Variants in GLIS3 observed in about 807,000 individuals in gnomAD.
GLIS3 encodes the protein GLIS family zinc finger 3.
Under a neutral mutation model 78.6 loss-of-function variants are expected in GLIS3, and 53 were observed. That is an observed-to-expected ratio of 0.67 (90% CI 0.54 to 0.85). The LOEUF is 0.85. Among genes scored for constraint, GLIS3 ranks in the 40% least tolerant of loss-of-function variants. GLIS3 has a pLI of 0.00. For synonymous variants in GLIS3, 684 were observed against 509.9 expected, an observed-to-expected ratio of 1.34 and a Z score of -4.60; for missense variants, 1,703 against 1,231.1, an observed-to-expected ratio of 1.38 and a Z score of -5.74.
intron 2 of GLIS3, among the ~76,000 whole-genome samples, chr9:4,141,307 G>A (rs535651829): frequency 3.3e-5 from 5 of 152,264 alleles, no homozygotes; most frequent in Admixed American, 3.3e-4. Flanking sequence ...GGAAGGCAGT[G>A]GGGGTAAAAG....
At chr9:4,224,688 A>T (rs759513738) in intron 2 of GLIS3, among the ~76,000 whole-genome samples, 5 of 147,096 alleles carry the variant, frequency 3.4e-5, no homozygotes, top group Non-Finnish European at 7.5e-5. Flanking sequence ...CCCTTCTCCT[A>T]TTCCCCCACT....
chr9:3,926,615 C>A (rs964351898), intron 6 of GLIS3, among the ~76,000 whole-genome samples: 3 of 151,158 alleles, frequency 2.0e-5, no homozygotes, highest in Non-Finnish European at 4.4e-5. Flanking sequence ...CTCCTTCCTT[C>A]CTTCCTTCTT....
intron 2 of GLIS3, among the ~76,000 whole-genome samples, chr9:4,217,289 G>GA (rs1221867001): frequency 3.9e-5 from 6 of 152,248 alleles, no homozygotes; most frequent in African/African-American, 1.4e-4. Context: ...CTCCATATCT[G>GA]GTTGTAAACC....
At chr9:4,068,489 GT>G (rs1447554749) in intron 4 of GLIS3, among the ~76,000 whole-genome samples, 1 of 152,146 alleles carries the variant, frequency 6.6e-6, no homozygotes, top group Middle Eastern at 3.2e-3. Context: ...GGCTAATGAT[GT>G]TTTTTAAAAT....
chr9:4,236,136 G>A (rs2131380277), intron 2 of GLIS3, among the ~76,000 whole-genome samples: 1 of 133,108 alleles, frequency 7.5e-6, no homozygotes, highest in South Asian at 2.5e-4. Context: ...CTTAATAGCT[G>A]GAGTAGTGCT....
chr9:4,225,192 T>C (rs1330528256), intron 2 of GLIS3, among the ~76,000 whole-genome samples: 1 of 152,124 alleles, frequency 6.6e-6, no homozygotes, highest in Non-Finnish European at 1.5e-5. Flanking sequence ...ACCAGTTTTT[T>C]TCTTCTAAGT....
chr9:4,254,942 T>C (rs1824774619), intron 2 of GLIS3, among the ~76,000 whole-genome samples: 1 of 151,988 alleles, frequency 6.6e-6, no homozygotes, highest in Non-Finnish European at 1.5e-5. Flanking sequence ...TTGCAAAACA[T>C]TTATCTGTTA....
the GLIS3 span, among the ~76,000 whole-genome samples, chr9:4,451,573 C>A: frequency 6.6e-6 from 1 of 152,032 alleles, no homozygotes; most frequent in Non-Finnish European, 1.5e-5. Flanking sequence ...ATCGCACTTA[C>A]CCCAAAATTG....
At chr9:3,989,990 T>A (rs1040552979) in intron 4 of GLIS3, among the ~76,000 whole-genome samples, 1 of 152,302 alleles carries the variant, frequency 6.6e-6, no homozygotes, top group South Asian at 2.1e-4. Context: ...TGGGGGAAAC[T>A]AGATAAAGTG....
At chr9:3,907,263 C>G (rs117204284) in intron 6 of GLIS3, among the ~76,000 whole-genome samples, 3,162 of 152,264 alleles carry the variant, frequency 0.021, 51 homozygotes, top group Middle Eastern at 0.051. Flanking sequence ...AACTCCACAG[C>G]AGCCAGCAGT....
the GLIS3 span, among the ~76,000 whole-genome samples, chr9:4,415,016 A>G: frequency 2.0e-5 from 3 of 151,988 alleles, no homozygotes; most frequent in African/African-American, 7.3e-5. Flanking sequence ...TTTTTTTCCT[A>G]TTCCAATAGT....
chr9:3,985,240 T>C (rs1223856295), intron 4 of GLIS3, among the ~76,000 whole-genome samples: 1 of 152,126 alleles, frequency 6.6e-6, no homozygotes, highest in Non-Finnish European at 1.5e-5. Context: ...TCTCCAAGTC[T>C]CAAGCAATCC....
chr9:4,106,118 C>T (rs1490997517), intron 4 of GLIS3, among the ~76,000 whole-genome samples: 1 of 152,190 alleles, frequency 6.6e-6, no homozygotes, highest in South Asian at 2.1e-4. Flanking sequence ...CTTCCACCAA[C>T]ACCTTAGACA....
intron 2 of GLIS3, among the ~76,000 whole-genome samples, chr9:4,165,132 A>G (rs1835779860): frequency 6.6e-6 from 1 of 152,146 alleles, no homozygotes. Context: ...GAAACATGGC[A>G]AATAGACCAT....
the GLIS3 span, among the ~76,000 whole-genome samples, chr9:4,481,435 G>A: frequency 6.9e-4 from 105 of 151,794 alleles, no homozygotes; most frequent in African/African-American, 2.2e-3. Context: ...AGTGAGCCTC[G>A]CACCATTACA....
At chr9:4,150,549 G>A (rs1338940549) in intron 2 of GLIS3, among the ~76,000 whole-genome samples, 2 of 152,088 alleles carry the variant, frequency 1.3e-5, no homozygotes, top group South Asian at 2.1e-4. Context: ...AGAAAATATC[G>A]ATTCCTCTTC....
At chr9:3,877,121 A>G (rs1392665395) in intron 8 of GLIS3, among the ~76,000 whole-genome samples, 1 of 152,200 alleles carries the variant, frequency 6.6e-6, no homozygotes, top group African/African-American at 2.4e-5. Context: ...GTTCCGATTG[A>G]TCATTCCTGA....
At chr9:4,442,244 G>T in the GLIS3 span, among the ~76,000 whole-genome samples, 2 of 152,198 alleles carry the variant, frequency 1.3e-5, no homozygotes, top group South Asian at 2.1e-4. Flanking sequence ...GTGTATAATT[G>T]TTCATAATTG....
chr9:4,032,567 A>T (rs982121848), intron 4 of GLIS3, among the ~76,000 whole-genome samples: 1 of 152,242 alleles, frequency 6.6e-6, no homozygotes, highest in African/African-American at 2.4e-5. Context: ...AGAGCTATAT[A>T]TCATGTAGCA....
Sources: gnomAD v4.1 joint callset for allele counts (sites outside exome capture counted in the v4.1 genomes callset) on GRCh38, gnomAD v4.1.1 for gene constraint, MANE v1.5 for transcripts, NCBI Gene and HGNC (gene_info 2026-07-23, HGNC 2026-07-21) for gene names.